The following ADGRB3 variants were observed in gnomAD, a reference collection of about 807,000 sequenced individuals.
ADGRB3 encodes the protein brain-specific angiogenesis inhibitor 3.
A neutral mutation model predicts 193.4 loss-of-function variants in ADGRB3; 37 were observed. The observed-to-expected ratio is 0.19, with a 90% CI of 0.15 to 0.25. ADGRB3 has a LOEUF of 0.25. ADGRB3 is among the 10% of genes least tolerant of loss of function. ADGRB3 has a pLI of 1.00. For missense variants in ADGRB3, 1,637 were observed against 1,852.9 expected (o/e 0.88, Z 2.14); for synonymous variants, 690 against 644.2 (o/e 1.07, Z -1.08).
chr6:69,215,799 C>A (rs558954330), intron 17 of ADGRB3, among the ~76,000 whole-genome samples: 1 of 152,166 alleles, frequency 6.6e-6, no homozygotes, highest in Non-Finnish European at 1.5e-5. Flanking sequence ...AACCAAATTT[C>A]TCTGGCTTGT....
At chr6:69,162,587 C>A (rs1384323679) in intron 17 of ADGRB3, among the ~76,000 whole-genome samples, 2 of 152,050 alleles carry the variant, frequency 1.3e-5, no homozygotes, top group African/African-American at 2.4e-5. Context: ...TTCTCTCTGT[C>A]TAAAAGCTTA....
chr6:68,805,219 G>T (rs1299869574), intron 3 of ADGRB3, among the ~76,000 whole-genome samples: 1 of 152,148 alleles, frequency 6.6e-6, no homozygotes. Flanking sequence ...GGGATTACAG[G>T]TGTGAGCCAC....
At chr6:68,960,897 C>T (rs1338500281) in intron 8 of ADGRB3, among the ~76,000 whole-genome samples, 1 of 152,104 alleles carries the variant, frequency 6.6e-6, no homozygotes, top group African/African-American at 2.4e-5. Context: ...GCAAATCATC[C>T]TTTCAGTTGC....
intron 3 of ADGRB3, among the ~76,000 whole-genome samples, chr6:68,750,650 T>C (rs1330544874): frequency 6.6e-5 from 10 of 151,642 alleles, no homozygotes; most frequent in Non-Finnish European, 1.5e-5. Flanking sequence ...CCATGTCTGC[T>C]TTATTTTTAA....
At chr6:69,083,425 T>C (rs958017717) in intron 17 of ADGRB3, among the ~76,000 whole-genome samples, 15 of 152,294 alleles carry the variant, frequency 9.8e-5, no homozygotes, top group African/African-American at 2.6e-4. Flanking sequence ...AACCTATTAT[T>C]TGTTCTGCTG....
chr6:68,679,479 A>C (rs1764841379), intron 3 of ADGRB3, among the ~76,000 whole-genome samples: 1 of 152,164 alleles, frequency 6.6e-6, no homozygotes, highest in Non-Finnish European at 1.5e-5. Flanking sequence ...AAAAGTAGTC[A>C]CATGGCCACA....
rs115314510 is a variant in ADGRB3 at position 68,884,594 on chromosome 6, G to A, written c.758-45965G>A. Among the ~76,000 whole-genome samples the A allele has an allele frequency of 3.4e-3, 512 of 152,250 alleles. 4 individuals carry two copies. The highest frequency in any genetic ancestry group is 0.011 in the African/African-American group (445 of 41,534). On this transcript the variant is annotated intron_variant, in intron 3 of 31. Transcript: ENST00000370598. ...TAGGACATGGTCTGAGATGAGGTTG[G>A]AGACAGTGGGCAGAAACTACATCAT... is the stretch of plus-strand genomic sequence containing the variant.
At chr6:68,700,452 A>T (rs1765224528) in intron 3 of ADGRB3, among the ~76,000 whole-genome samples, 1 of 152,124 alleles carries the variant, frequency 6.6e-6, no homozygotes, top group African/African-American at 2.4e-5. Flanking sequence ...ATCATAGAAA[A>T]GGGATTTGGA....
chr6:69,194,062 A>G (rs1765250557), intron 17 of ADGRB3, among the ~76,000 whole-genome samples: 1 of 152,024 alleles, frequency 6.6e-6, no homozygotes, highest in Non-Finnish European at 1.5e-5. Context: ...CTAAATCCTT[A>G]AACTAGTGAG....
At chr6:69,221,340 T>A (rs1252780001) in intron 17 of ADGRB3, among the ~76,000 whole-genome samples, 2 of 152,166 alleles carry the variant, frequency 1.3e-5, no homozygotes, top group African/African-American at 4.8e-5. Context: ...CACTCCTTCC[T>A]CTTTGTTTTC....
chr6:69,046,427 A>G (rs1317803834), intron 13 of ADGRB3, among the ~76,000 whole-genome samples: 1 of 152,316 alleles, frequency 6.6e-6, no homozygotes, highest in African/African-American at 2.4e-5. Context: ...TACAGCAGGG[A>G]TTTGGACCCT....
intron 17 of ADGRB3, among the ~76,000 whole-genome samples, chr6:69,095,618 G>A (rs530743993): frequency 6.6e-6 from 1 of 152,134 alleles, no homozygotes; most frequent in Non-Finnish European, 1.5e-5. Context: ...TAATAACTTT[G>A]TCTGTCTGGA....
intron 17 of ADGRB3, among the ~76,000 whole-genome samples, chr6:69,209,424 G>T (rs1174161906): frequency 2.6e-5 from 4 of 152,166 alleles, no homozygotes; most frequent in Admixed American, 6.5e-5. Flanking sequence ...GAGGTAGAAG[G>T]TCCCTGAATT....
intron 3 of ADGRB3, among the ~76,000 whole-genome samples, chr6:68,772,030 T>A (rs908510767): frequency 6.6e-6 from 1 of 152,120 alleles, no homozygotes; most frequent in Non-Finnish European, 1.5e-5. Flanking sequence ...GAGGAGAAGT[T>A]GTACTTTAAC....
chr6:69,374,723 G>A, intron 30 of ADGRB3, among the ~76,000 whole-genome samples: 1 of 152,034 alleles, frequency 6.6e-6, no homozygotes, highest in East Asian at 1.9e-4. Flanking sequence ...GTAACCAAAT[G>A]CCTTATTGAA....
At chr6:69,324,441 A>G (rs1449689710) in intron 20 of ADGRB3, among the ~76,000 whole-genome samples, 1 of 152,188 alleles carries the variant, frequency 6.6e-6, no homozygotes, top group African/African-American at 2.4e-5. Flanking sequence ...TAATTTTAAC[A>G]TCAACACAGA....
chr6:69,077,098 A>G (rs1302774044), intron 17 of ADGRB3, among the ~76,000 whole-genome samples: 3 of 152,024 alleles, frequency 2.0e-5, no homozygotes, highest in Non-Finnish European at 4.4e-5. Context: ...ATCCTTTACT[A>G]CTAGTCCAGT....
At chr6:68,699,059 A>C (rs1435805313) in intron 3 of ADGRB3, among the ~76,000 whole-genome samples, 5 of 152,146 alleles carry the variant, frequency 3.3e-5, no homozygotes, top group Admixed American at 2.0e-4. Context: ...TTTAAAATGA[A>C]TCATTTATTT....
chr6:69,276,556 T>C (rs906172244), intron 20 of ADGRB3, among the ~76,000 whole-genome samples: 1 of 152,206 alleles, frequency 6.6e-6, no homozygotes, highest in East Asian at 1.9e-4. Flanking sequence ...TTTTTTTAAA[T>C]ACACATTTAC....
Sources: gnomAD v4.1 joint callset for allele counts (sites outside exome capture counted in the v4.1 genomes callset) on GRCh38, gnomAD v4.1.1 for gene constraint, MANE v1.5 for transcripts, NCBI Gene and HGNC (gene_info 2026-07-23, HGNC 2026-07-21) for gene names.